The following CAMTA2 variants were observed in gnomAD, a reference collection of about 807,000 sequenced individuals.
CAMTA2 encodes calmodulin-binding transcription activator 2.
CAMTA2 carries 56 observed loss-of-function variants against 135.7 expected under a neutral mutation model. The ratio of observed to expected loss-of-function variants is 0.41; its 90% CI spans 0.33 to 0.52. The LOEUF (loss-of-function observed/expected upper bound fraction) is 0.52. Ranked by LOEUF, CAMTA2 falls within the 20% of genes least tolerant of loss-of-function variation. The pLI, the probability that CAMTA2 is intolerant of heterozygous loss-of-function variation, is 0.16. For synonymous variants in CAMTA2, 591 were observed against 604.6 expected (o/e 0.98, Z 0.33); for missense variants, 1,358 against 1,553.4 (o/e 0.87, Z 2.11).
chr17:4,979,883 C>A lies in CAMTA2; in HGVS notation c.1439G>T (p.Ser480Ile). The A allele has an allele frequency of 6.3e-7, 1 of 1,590,494 alleles. No homozygotes were observed. Among genetic ancestry groups the A allele is most frequent in the Non-Finnish European group, 8.6e-7 (1 of 1,168,064 alleles). Residue 480 changes from serine (S) to isoleucine (I), a missense_variant, in exon 9 of 23, where the codon AGC becomes ATC. Physicochemically the swap from Ser to Ile is moderately radical, Grantham distance 142. Transcript: ENST00000348066. ...PPSPAPLEPS[S>I]RVGRGEALFG... is the part of the protein sequence containing the mutation. ...CAAGGCCTCTCCTCTTCCTACCCTG[C>A]TTGACGGCTCCAAGGGGGCAGGTGA... is the stretch of plus-strand genomic sequence containing the variant.
In CAMTA2 at chr17:4,969,156, C is replaced by T; in HGVS notation, c.3464G>A (p.Arg1155His). The T allele has an allele frequency of 5.0e-6, 8 of 1,604,768 alleles. No homozygotes were observed. Among genetic ancestry groups the T allele is most frequent in the Non-Finnish European group, 6.8e-6 (8 of 1,176,982 alleles). ...GGCTGGGGCTGGGCCCTACTTGTTG[C>T]GGGCAGGCAGGGTGGCCGAAGTCCG... ...PHRTSATLPA[R>H]NKGSFLTKKQ... is the part of the protein sequence containing the mutation. The change falls in exon 21 of 23, where the codon CGC (arginine) becomes CAC (histidine). Residue 1155 changes from arginine to histidine, a missense_variant. Around this residue, in one of 4 missense-constraint regions of CAMTA2, gnomAD observed 167 missense variants for 207.0 expected, o/e 0.81. Coordinates refer to ENST00000348066, the MANE Select transcript of CAMTA2 (RefSeq NM_015099.4). The surrounding 1 kb of genome is among the most constrained non-coding windows in gnomAD (Gnocchi z 5.6).
Position 4,968,183 on chromosome 17 carries a change from T to C in CAMTA2, c.*573A>G. 3.8e-6 allele frequency: 1 copy of C among 265,702 alleles called. No homozygotes were observed. The highest frequency in any genetic ancestry group is 7.3e-6 in the Non-Finnish European group (1 of 137,024). The allele number at this position is 265,702 out of a possible 1,614,324, so 16.5% of individuals were successfully genotyped here. ...TATGTTACAGTATGTACAAGACCCC[T>C]CCCCTCGGGGGACGGGGCGGACTCC... On this transcript the variant is annotated 3_prime_UTR_variant, in exon 23 of 23. Coordinates refer to ENST00000348066, the MANE Select transcript of CAMTA2 (RefSeq NM_015099.4).
intron 16 of CAMTA2, among the ~76,000 whole-genome samples, chr17:4,971,061 A>G (rs1972253048): frequency 6.6e-6 from 1 of 152,234 alleles, no homozygotes; most frequent in South Asian, 2.1e-4. Flanking sequence ...TTGTACTTAA[A>G]GTGCCACCCA....
chr17:4,986,936 C>T (rs1344976234), intron 1 of CAMTA2: 1 of 1,520,400 alleles, frequency 6.6e-7, no homozygotes, highest in Non-Finnish European at 8.8e-7. Flanking sequence ...CCTCCCCTGG[C>T]CTCCAGGCCT....
chr17:4,975,010 CGAT>C (rs1267807833), intron 11 of CAMTA2, among the ~76,000 whole-genome samples: 3 of 152,110 alleles, frequency 2.0e-5, no homozygotes, highest in African/African-American at 7.3e-5. Flanking sequence ...TCCACAAAGA[CGAT>C]GGTGGGGGAC....
intron 15 of CAMTA2, 103 bp from the exon 16 acceptor site, chr17:4,972,639 C>T: frequency 3.5e-6 from 5 of 1,435,902 alleles, no homozygotes; most frequent in Non-Finnish European, 4.9e-6. Flanking sequence ...TCTGTTCTTG[C>T]TTCTGTTATC....
rs779532831 is a variant in CAMTA2, at chr17:4,972,763, C to G, written c.2503+6G>C. On this transcript the variant is annotated splice_donor_region_variant and intron_variant, in intron 15 of 22. Transcript: ENST00000348066. Reference sequence around the variant, plus strand: ...CCTCTCTCCAAAAGATTAGGGCCACCCTCACCAGTGTCTGGGCTGGAGGAG... The same window carrying G: ...CCTCTCTCCAAAAGATTAGGGCCACGCTCACCAGTGTCTGGGCTGGAGGAG... The G allele has an allele frequency of 1.2e-6, 2 of 1,612,512 alleles. No homozygotes were observed. The highest frequency in any genetic ancestry group is 1.7e-6 in the Non-Finnish European group (2 of 1,178,888).
chr17:4,973,221 T>C lies in CAMTA2; in HGVS notation c.2234A>G (p.Gln745Arg), dbSNP rs1383728203. ...SVETGSLDLE[Q>R]EVDPLNVDHF... The stretch of plus-strand genomic sequence containing the variant: ...ATCCACGTTGAGCGGGTCAACCTCC[T>C]GCTCTAAGTCCAAGCTTCCAGTCTC... The change falls in exon 14 of 23, where the codon CAG becomes CGG. Residue 745 changes from glutamine (Q) to arginine (R), a missense_variant. Physicochemically the swap from Gln to Arg is conservative, Grantham distance 43 (BLOSUM62 1). Coordinates refer to ENST00000348066, the MANE Select transcript of CAMTA2 (RefSeq NM_015099.4). 1.9e-6 allele frequency: 3 copies of C among 1,613,960 alleles called. No individual in the cohort carries two copies. The highest frequency in any genetic ancestry group is 1.7e-5 in the Admixed American group (1 of 59,996).
chr17:4,985,614 G>C (rs1597783844), intron 3 of CAMTA2, among the ~76,000 whole-genome samples: 1 of 151,990 alleles, frequency 6.6e-6, no homozygotes, highest in African/African-American at 2.4e-5. Context: ...AGTAGAGACG[G>C]GGTTCCACCA....
At position 4,972,219 on chromosome 17, in the gene CAMTA2, A is replaced by G. The variant is rs753096587; in HGVS notation, c.2808+13T>C. Reference sequence around the variant, plus strand: ...ACTTCTAGCCCCCATAACTCCATCAATATAAGCAGTACCGGGATCACATCC... The same window carrying G: ...ACTTCTAGCCCCCATAACTCCATCAGTATAAGCAGTACCGGGATCACATCC... On this transcript the variant is annotated intron_variant, in intron 16 of 22. Coordinates refer to ENST00000348066, the MANE Select transcript of CAMTA2 (RefSeq NM_015099.4). 2.5e-6 allele frequency: 4 copies of G among 1,608,372 alleles called. No homozygotes were observed. Among genetic ancestry groups the G allele is most frequent in the South Asian group, 1.1e-5 (1 of 90,708 alleles).
Position 4,981,661 on chromosome 17 carries a change from C to A in CAMTA2, c.565+17G>T. ...CTACTCTCCCCTTGGAGCTCTATCC[C>A]CACCCTGCTGCCTTACACATGGGCT... On this transcript the variant is annotated intron_variant, in intron 7 of 22. Transcript: ENST00000348066. 1 of 1,579,928 alleles carries A rather than the reference C, an allele frequency of 6.3e-7. No homozygotes were observed. The highest frequency in any genetic ancestry group is 8.6e-7 in the Non-Finnish European group (1 of 1,160,186).
chr17:4,980,440 A>G lies in CAMTA2; in HGVS notation c.882T>C (p.Ser294=). ...PKAHTSPSSS[S]SSSSSGFAEP... ...CTGCAAAACCTGATGAGGAGGAAGA[A>G]GAGGAAGAAGATGGGGAGGTGTGTG... Residue 294 remains serine, a synonymous_variant, in exon 9 of 23, where the codon TCT becomes TCC. Transcript: ENST00000348066. The surrounding 1 kb of genome is among the most constrained non-coding windows in gnomAD (Gnocchi z 5.3). 2 of 1,609,324 alleles carry G rather than the reference A, an allele frequency of 1.2e-6. No homozygotes were observed. Among genetic ancestry groups the G allele is most frequent in the East Asian group, 2.2e-5 (1 of 44,650 alleles).
In CAMTA2 at chr17:4,972,418, C is replaced by T; in HGVS notation, c.2622G>A (p.Met874Ile). The T allele has an allele frequency of 6.2e-7, 1 of 1,614,106 alleles. No homozygotes were observed. The highest frequency in any genetic ancestry group is 8.5e-7 in the Non-Finnish European group (1 of 1,180,010). ...GGCCTGGGGCCATGTCCTCCATAGTCATCTCAGAGGCTGGCAGAGGTGCAG... is the reference window on the plus strand; with the variant it reads ...GGCCTGGGGCCATGTCCTCCATAGTTATCTCAGAGGCTGGCAGAGGTGCAG... ...PPPAPLPASEMTMEDMAPGQL... is the reference protein window; with the variant it reads ...PPPAPLPASEITMEDMAPGQL... Residue 874 changes from methionine to isoleucine, a missense_variant, in exon 16 of 23, where the codon ATG becomes ATA. By Grantham distance (10) the Met-to-Ile change is conservative. This residue lies in a region of CAMTA2 where 1,077 missense variants were observed against 1,127.5 expected (regional missense o/e 0.96). Coordinates refer to ENST00000348066, the MANE Select transcript of CAMTA2 (RefSeq NM_015099.4).
At position 4,968,460 on chromosome 17, in the gene CAMTA2, G is replaced by A. The variant is rs1266112644; in HGVS notation, c.*296C>T. ...TCAGGAGGGGGCCGAGTCGGGTGCAGGCAGGAGGAGCTGGGGAGCAGGGGC... is the reference window on the plus strand; with the variant it reads ...TCAGGAGGGGGCCGAGTCGGGTGCAAGCAGGAGGAGCTGGGGAGCAGGGGC... On this transcript the variant is annotated 3_prime_UTR_variant, in exon 23 of 23. Coordinates refer to ENST00000348066, the MANE Select transcript of CAMTA2 (RefSeq NM_015099.4). 3.7e-6 allele frequency: 2 copies of A among 542,338 alleles called. No individual in the cohort carries two copies. Among genetic ancestry groups the A allele is most frequent in the Non-Finnish European group, 6.6e-6 (2 of 302,488 alleles). The allele number at this position is 542,338 out of a possible 1,614,324, so 33.6% of individuals were successfully genotyped here. A position where few individuals can be genotyped will look rare whatever the true frequency, so the allele number is the denominator to read the frequency against.
intron 3 of CAMTA2, among the ~76,000 whole-genome samples, chr17:4,984,112 G>A (rs906278049): frequency 2.6e-5 from 4 of 151,924 alleles, no homozygotes; most frequent in Non-Finnish European, 4.4e-5. Flanking sequence ...GACCACGCCC[G>A]GCTAATTTTT....
chr17:4,969,895 C>T lies in CAMTA2; in HGVS notation c.3189+7G>A, dbSNP rs764462654. The T allele has an allele frequency of 1.1e-5, 17 of 1,613,696 alleles. No individual in the cohort carries two copies. The South Asian group carries it at 1.6e-4, about 16-fold the overall frequency. ...GTGTAATTCATCCTGAGACCCCTGC[C>T]CCTGACCTTGTACTTTCGGAAGGCC... On this transcript the variant is annotated splice_region_variant and intron_variant, in intron 18 of 22. Transcript: ENST00000348066. The surrounding 1 kb of genome is among the most constrained non-coding windows in gnomAD (Gnocchi z 5.6).
intron 5 of CAMTA2, 70 bp from the exon 6 acceptor site, chr17:4,982,230 T>C (rs766919418): frequency 2.8e-6 from 3 of 1,085,790 alleles, no homozygotes; most frequent in South Asian, 2.5e-5. Flanking sequence ...TTCAGTCCCT[T>C]TGCAGGAATC....
At chr17:4,970,611 T>C in intron 16 of CAMTA2, 75 bp from the exon 17 acceptor site, 1 of 1,250,888 alleles carries the variant, frequency 8.0e-7, no homozygotes, top group Non-Finnish European at 1.2e-6. Context: ...ATTCCTATCT[T>C]GTTCCTTCTC....
In CAMTA2 at chr17:4,968,309, GC is replaced by G. The variant is rs1158419642; in HGVS notation, c.*446del. The G allele has an allele frequency of 3.7e-6, 1 of 271,782 alleles. No individual in the cohort carries two copies. Among genetic ancestry groups the G allele is most frequent in the African/African-American group, 2.2e-5 (1 of 45,212 alleles). The allele number at this position is 271,782 out of a possible 1,614,324, so 16.8% of individuals were successfully genotyped here. ...AGGGCCAGAGAGGGAGGAAACAGACGCAAACATGCGGAGTCGGGTGGGGACA... is the reference window on the plus strand; with the variant it reads ...AGGGCCAGAGAGGGAGGAAACAGACGAAACATGCGGAGTCGGGTGGGGACA... On this transcript the variant is annotated 3_prime_UTR_variant, in exon 23 of 23. Coordinates refer to ENST00000348066, the MANE Select transcript of CAMTA2 (RefSeq NM_015099.4).
Sources: allele counts gnomAD v4.1 joint callset (sites outside exome capture counted in the v4.1 genomes callset), GRCh38; gene constraint gnomAD v4.1.1; regional missense constraint gnomAD v4.1.1; non-coding constraint Gnocchi (gnomAD v3.1); transcripts MANE v1.5; gene names NCBI Gene and HGNC (gene_info 2026-07-23, HGNC 2026-07-21).